Variants in NBAS observed in about 807,000 individuals in gnomAD.
NBAS encodes the protein NAG/BC035112 fusion.
In NBAS, 219 loss-of-function variants were observed where a neutral mutation model predicts 302.5. The observed-to-expected ratio is 0.72, with a 90% CI of 0.65 to 0.81. NBAS has a LOEUF of 0.81. Among genes scored for constraint, NBAS ranks in the 30% least tolerant of loss-of-function variants. The probability of loss-of-function intolerance (pLI) is 0.00; values close to 1 mark genes in which losing one functional copy is unlikely to be tolerated. For synonymous variants in NBAS, 1,118 were observed against 1,021.6 expected (o/e 1.09, Z -1.80); for missense variants, 2,932 against 2,841.6 (o/e 1.03, Z -0.72).
At chr2:15,193,172 G>C (rs1665443406) in intron 48 of NBAS, among the ~76,000 whole-genome samples, 1 of 152,056 alleles carries the variant, frequency 6.6e-6, no homozygotes, top group Non-Finnish European at 1.5e-5. Context: ...GTCAGAAAAT[G>C]TTTTCTTCTA....
chr2:15,366,112 G>A (rs1393460758), intron 32 of NBAS, among the ~76,000 whole-genome samples: 1 of 152,150 alleles, frequency 6.6e-6, no homozygotes, highest in East Asian at 1.9e-4. Context: ...CCACCAAATA[G>A]TAAATGCATA....
chr2:14,994,215 C>G, the NBAS span, among the ~76,000 whole-genome samples: 1 of 152,136 alleles, frequency 6.6e-6, no homozygotes, highest in Non-Finnish European at 1.5e-5. Flanking sequence ...ACTGAATTGC[C>G]TTAAGCTTAA....
rs193016555 is a variant in NBAS at position 15,201,080 on chromosome 2, T to G, written c.6433-10677A>C. ...CTTTTTAAGAAATGTTTTTTACTAC[T>G]ATTTTATTGCTCCAGGTAACTCACA... is the stretch of plus-strand genomic sequence containing the variant. On this transcript the variant is annotated intron_variant, in intron 48 of 51. Transcript: ENST00000281513. 4.0e-4 allele frequency among the ~76,000 whole-genome samples: 61 copies of G among 152,360 alleles called. No individual in the cohort carries two copies. In the East Asian group the frequency reaches 0.011, roughly 27 times the overall value.
the NBAS span, among the ~76,000 whole-genome samples, chr2:14,999,477 G>A: frequency 6.6e-6 from 1 of 152,112 alleles, no homozygotes; most frequent in Non-Finnish European, 1.5e-5. Context: ...CATGGGGGCG[G>A]ATTTCCCCCT....
At chr2:15,308,829 G>A (rs910436930) in intron 39 of NBAS, among the ~76,000 whole-genome samples, 8 of 152,116 alleles carry the variant, frequency 5.3e-5, no homozygotes, top group South Asian at 2.1e-4. Context: ...TTTGAGATAC[G>A]TCTCATCAAT....
the NBAS span, among the ~76,000 whole-genome samples, chr2:14,840,015 C>T: frequency 1.3e-5 from 2 of 151,754 alleles, no homozygotes; most frequent in Non-Finnish European, 2.9e-5. Context: ...TTTAAGAAAA[C>T]TCAGTGATCA....
At chr2:15,488,756 C>G in intron 12 of NBAS, 138 bp downstream of exon 12, 1 of 1,135,002 alleles carries the variant, frequency 8.8e-7, no homozygotes, top group Non-Finnish European at 1.3e-6. Context: ...GTACTGATAT[C>G]ATAATTTAAA....
intron 21 of NBAS, among the ~76,000 whole-genome samples, chr2:15,435,366 A>G (rs1183900668): frequency 6.6e-6 from 1 of 152,188 alleles, no homozygotes; most frequent in African/African-American, 2.4e-5. Flanking sequence ...TGGACATTTC[A>G]CACACTATTT....
At chr2:15,249,550 T>C (rs1455183500) in intron 44 of NBAS, among the ~76,000 whole-genome samples, 1 of 152,194 alleles carries the variant, frequency 6.6e-6, no homozygotes, top group Non-Finnish European at 1.5e-5. Context: ...GACACAATTG[T>C]ATATTTAGAA....
intron 42 of NBAS, among the ~76,000 whole-genome samples, chr2:15,278,601 A>C (rs1558497894): frequency 6.6e-6 from 1 of 152,166 alleles, no homozygotes; most frequent in Non-Finnish European, 1.5e-5. Flanking sequence ...GATGAGCAAA[A>C]AATTAGGTGT....
the NBAS span, among the ~76,000 whole-genome samples, chr2:14,998,752 C>G: frequency 6.6e-6 from 1 of 152,140 alleles, no homozygotes; most frequent in Admixed American, 6.5e-5. Flanking sequence ...GGGAACCATC[C>G]TGGAGAATTT....
the NBAS span, among the ~76,000 whole-genome samples, chr2:15,019,272 C>T: frequency 6.6e-6 from 1 of 152,238 alleles, no homozygotes; most frequent in Admixed American, 6.5e-5. Flanking sequence ...AGGTATAATG[C>T]TGAAATTGTA....
chr2:15,213,169 G>A (rs1159273479), intron 48 of NBAS, among the ~76,000 whole-genome samples: 3 of 152,146 alleles, frequency 2.0e-5, no homozygotes, highest in African/African-American at 7.2e-5. Flanking sequence ...ACAGAGCTAG[G>A]GACTGGTGGC....
rs138454574 is a variant in NBAS at position 15,191,262 on chromosome 2, A to G, written c.6433-859T>C. ...ATAATGAGAATGAATGGTTACCTGT[A>G]TACATGCTACATTGTCTGCACTAAT... On this transcript the variant is annotated intron_variant, in intron 48 of 51. Coordinates refer to ENST00000281513, the MANE Select transcript of NBAS (RefSeq NM_015909.4). Among the ~76,000 whole-genome samples, 743 of 152,314 alleles carry G rather than the reference A, an allele frequency of 4.9e-3. 3 individuals carry two copies. Among genetic ancestry groups the G allele is most frequent in the Non-Finnish European group, 7.2e-3 (489 of 68,020 alleles).
intron 38 of NBAS, among the ~76,000 whole-genome samples, chr2:15,325,606 G>A (rs377158804): frequency 2.0e-5 from 3 of 152,254 alleles, no homozygotes; most frequent in Middle Eastern, 3.4e-3. Context: ...CAGTAAAAGG[G>A]ACCTGTTCTG....
the NBAS span, among the ~76,000 whole-genome samples, chr2:15,149,273 T>TA: frequency 6.6e-6 from 1 of 152,194 alleles, no homozygotes; most frequent in African/African-American, 2.4e-5. Context: ...CTTTCCACCA[T>TA]AAAATGACAC....
At position 15,374,521 on chromosome 2, in the gene NBAS, C is replaced by T. The variant is rs544328374; in HGVS notation, c.3703+87G>A. The stretch of plus-strand genomic sequence containing the variant: ...CTAATGGATTACATGACCAAAGCTA[C>T]TCTTTAGTTTTAAAAACTAAAAAAG... On this transcript the variant is annotated intron_variant, in intron 31 of 51. Coordinates refer to ENST00000281513, the MANE Select transcript of NBAS (RefSeq NM_015909.4). The T allele has an allele frequency of 1.7e-5, 19 of 1,116,948 alleles. No individual in the cohort carries two copies. In the African/African-American group the frequency reaches 2.3e-4, roughly 14 times the overall value. The allele number at this position is 1,116,948 out of a possible 1,614,324, so 69.2% of individuals were successfully genotyped here. A position where few individuals can be genotyped will look rare whatever the true frequency, so the allele number is the denominator to read the frequency against.
At chr2:15,051,033 C>T in the NBAS span, among the ~76,000 whole-genome samples, 5 of 152,158 alleles carry the variant, frequency 3.3e-5, no homozygotes, top group African/African-American at 1.2e-4. Flanking sequence ...ATTACTTATC[C>T]TTTTCTCTCC....
intron 44 of NBAS, among the ~76,000 whole-genome samples, chr2:15,269,739 T>C (rs919233794): frequency 1.3e-5 from 2 of 152,228 alleles, no homozygotes; most frequent in Admixed American, 6.5e-5. Flanking sequence ...AAATCATACC[T>C]GGGAAATAAA....
Sources: allele counts gnomAD v4.1 joint callset (sites outside exome capture counted in the v4.1 genomes callset), GRCh38; gene constraint gnomAD v4.1.1; transcripts MANE v1.5; gene names NCBI Gene and HGNC (gene_info 2026-07-23, HGNC 2026-07-21).